HPR: variants seen among roughly 807,000 people sequenced by gnomAD.
The protein encoded by HPR is Haptoglobin-related locus.
HPR carries 17 observed loss-of-function variants against 18.5 expected under a neutral mutation model. That is an observed-to-expected ratio of 0.92 (90% CI 0.63 to 1.38). The LOEUF is 1.38. Ranked by LOEUF, HPR falls within the 40% of genes most tolerant of loss-of-function variation. The probability of loss-of-function intolerance (pLI) is 0.00; values close to 1 mark genes in which losing one functional copy is unlikely to be tolerated. For synonymous variants in HPR, 176 were observed against 165.0 expected (o/e 1.07, Z -0.51); for missense variants, 457 against 432.4 (o/e 1.06, Z -0.51).
chr16:72,068,842 A>C (rs2041624938), intron 1 of HPR, among the ~76,000 whole-genome samples: 1 of 152,150 alleles, frequency 6.6e-6, no homozygotes, highest in South Asian at 2.1e-4. Context: ...TGACTAACTG[A>C]CTCCAGAATC....
intron 3 of HPR, chr16:72,074,693 C>T: frequency 2.8e-6 from 2 of 706,438 alleles, no homozygotes; most frequent in Non-Finnish European, 2.6e-6. Context: ...ATGATGTCAC[C>T]CTCACCTAGT....
At chr16:72,074,220 CTT>C in intron 2 of HPR, 62 bp from the exon 3 acceptor site, 1 of 1,489,046 alleles carries the variant, frequency 6.7e-7, no homozygotes, top group Non-Finnish European at 9.4e-7. Flanking sequence ...ACTCATCTGA[CTT>C]TTCATGGGTC....
intron 1 of HPR, among the ~76,000 whole-genome samples, chr16:72,065,340 G>A (rs1204752936): frequency 1.3e-5 from 2 of 151,744 alleles, no homozygotes; most frequent in African/African-American, 4.8e-5. Flanking sequence ...GCTCCAGACA[G>A]ATAAAAAAGA....
At chr16:72,074,072 AG>A (rs753848382) in intron 2 of HPR, 95 bp downstream of exon 2, 20 of 1,527,242 alleles carry the variant, frequency 1.3e-5, no homozygotes, top group African/African-American at 5.4e-5. Flanking sequence ...GAGAACACAC[AG>A]TTCCCCATTC....
chr16:72,072,877 G>T (rs1197961466), intron 1 of HPR, among the ~76,000 whole-genome samples: 4 of 152,190 alleles, frequency 2.6e-5, no homozygotes, highest in Non-Finnish European at 5.9e-5. Flanking sequence ...AATACAGTAA[G>T]AAATTCTTCT....
rs747070070 is a variant in HPR, at chr16:72,073,793, CGTGT to C, written c.6-86_6-83del. ...GTGTGTGTATGCATGTGTGTGTGTG[CGTGT>C]GTGTGTGTGTGTACATGCCTGTGTG... On this transcript the variant is annotated intron_variant, in intron 1 of 4. Transcript: ENST00000540303. 2.4e-3 allele frequency: 3,518 copies of C among 1,491,970 alleles called. 5 individuals carry two copies. Among genetic ancestry groups the C allele is most frequent in the Non-Finnish European group, 2.9e-3 (3,165 of 1,091,482 alleles). The allele number at this position is 1,491,970 out of a possible 1,614,324, so 92.4% of individuals were successfully genotyped here.
chr16:72,076,478 G>C lies in HPR; in HGVS notation c.444G>C (p.Leu148=), dbSNP rs1219002445. The change falls in exon 5 of 5, where the codon CTG becomes CTC. Residue 148 remains leucine (L), a synonymous_variant. Coordinates refer to ENST00000540303, the MANE Select transcript of HPR (RefSeq NM_020995.4). Reference sequence around the variant, plus strand: ...TGACCACGGCTAAAAATCTCTTCCTGAACCATTCAGAAAATGCAACAGCGA... The same window carrying C: ...TGACCACGGCTAAAAATCTCTTCCTCAACCATTCAGAAAATGCAACAGCGA... ...WLLTTAKNLF[L]NHSENATAKD... 6 of 1,613,946 alleles carry C rather than the reference G, an allele frequency of 3.7e-6. No homozygotes were observed. The highest frequency in any genetic ancestry group is 1.6e-4 in the Middle Eastern group (1 of 6,080).
chr16:72,071,336 T>C (rs1431668361), intron 1 of HPR, among the ~76,000 whole-genome samples: 1 of 152,176 alleles, frequency 6.6e-6, no homozygotes, highest in Non-Finnish European at 1.5e-5. Context: ...TAAACAAATA[T>C]GAATGTTATG....
At chr16:72,068,547 C>T (rs1597416479) in intron 1 of HPR, among the ~76,000 whole-genome samples, 1 of 152,118 alleles carries the variant, frequency 6.6e-6, no homozygotes. Context: ...CTGCTCTTGC[C>T]CTAGCCTTAC....
At chr16:72,069,785 G>A (rs1416235693) in intron 1 of HPR, among the ~76,000 whole-genome samples, 1 of 152,184 alleles carries the variant, frequency 6.6e-6, no homozygotes, top group East Asian at 1.9e-4. Context: ...CCATTTCCAA[G>A]TGTTCAATTA....
At chr16:72,068,436 A>G (rs531065156) in intron 1 of HPR, among the ~76,000 whole-genome samples, 2 of 152,316 alleles carry the variant, frequency 1.3e-5, no homozygotes, top group South Asian at 4.1e-4. Context: ...CCTAAACAGT[A>G]AACTTTTATA....
At chr16:72,068,336 C>A (rs1309217784) in intron 1 of HPR, among the ~76,000 whole-genome samples, 2 of 152,098 alleles carry the variant, frequency 1.3e-5, no homozygotes, top group Admixed American at 1.3e-4. Flanking sequence ...TCGAAGGAAT[C>A]GTGTCCTTAC....
rs117501968 is a variant in HPR at position 72,069,137 on chromosome 16, G to A, written c.6-4755G>A. Reference sequence around the variant, plus strand: ...TGTTTGCACTCAGCCAAGCCTTAAAGCACTTGCAAAACCAGGAAGGAACCA... The same window carrying A: ...TGTTTGCACTCAGCCAAGCCTTAAAACACTTGCAAAACCAGGAAGGAACCA... On this transcript the variant is annotated intron_variant, in intron 1 of 4. Transcript: ENST00000540303. 1.1e-4 allele frequency among the ~76,000 whole-genome samples: 16 copies of A among 152,272 alleles called. No homozygotes were observed. The East Asian group carries it at 2.3e-3, about 22-fold the overall frequency.
At chr16:72,068,628 A>C (rs1399541795) in intron 1 of HPR, among the ~76,000 whole-genome samples, 1 of 152,182 alleles carries the variant, frequency 6.6e-6, no homozygotes, top group Non-Finnish European at 1.5e-5. Context: ...TGCTTATCCA[A>C]GAGCACAGAG....
chr16:72,065,020 A>G (rs2041583092), intron 1 of HPR, among the ~76,000 whole-genome samples: 1 of 152,196 alleles, frequency 6.6e-6, no homozygotes. Flanking sequence ...GGAGTGACAA[A>G]GTACTTCCTT....
chr16:72,077,148 G>C lies in HPR; in HGVS notation c.*67G>C. On this transcript the variant is annotated 3_prime_UTR_variant, in exon 5 of 5. Transcript: ENST00000540303. ...AGCCTGGAAGAGGGCAAAGTGGACG[G>C]GAGTGGACAGGAGTGGATGCGATAA... is the stretch of plus-strand genomic sequence containing the variant. 1 of 1,463,458 alleles carries C rather than the reference G, an allele frequency of 6.8e-7. No homozygotes were observed. The highest frequency in any genetic ancestry group is 1.9e-5 in the Admixed American group (1 of 53,130). 90.7% of individuals were successfully genotyped at this position (1,463,458 alleles called of 1,614,324 possible).
chr16:72,074,240 A>T (rs760116570), intron 2 of HPR, 44 bp from the exon 3 acceptor site: 1 of 1,566,292 alleles, frequency 6.4e-7, no homozygotes, highest in Non-Finnish European at 8.8e-7. Flanking sequence ...GTCTCTGGGA[A>T]CAATTTCCAA....
intron 1 of HPR, among the ~76,000 whole-genome samples, chr16:72,070,386 C>T (rs1388276756): frequency 2.0e-5 from 3 of 152,178 alleles, no homozygotes; most frequent in Non-Finnish European, 4.4e-5. Flanking sequence ...AGCACATTAG[C>T]GTCAGCCTGG....
chr16:72,066,735 G>A (rs992624076), intron 1 of HPR, among the ~76,000 whole-genome samples: 1 of 152,138 alleles, frequency 6.6e-6, no homozygotes, highest in Non-Finnish European at 1.5e-5. Context: ...TTTCAAAAAA[G>A]TTACAAAAAT....
Sources: gnomAD v4.1 joint callset for allele counts (sites outside exome capture counted in the v4.1 genomes callset) on GRCh38, gnomAD v4.1.1 for gene constraint, MANE v1.5 for transcripts, NCBI Gene and HGNC (gene_info 2026-07-23, HGNC 2026-07-21) for gene names.